The following TMEM117 variants were observed in gnomAD, a reference collection of about 807,000 sequenced individuals.
TMEM117 encodes transmembrane protein 117.
A neutral mutation model predicts 52.4 loss-of-function variants in TMEM117; 27 were observed. The ratio of observed to expected loss-of-function variants is 0.51; its 90% CI spans 0.38 to 0.71. The LOEUF (loss-of-function observed/expected upper bound fraction) is 0.71. Among genes scored for constraint, TMEM117 ranks in the 30% least tolerant of loss-of-function variants. The probability of loss-of-function intolerance (pLI) is 0.00; values close to 1 mark genes in which losing one functional copy is unlikely to be tolerated. For missense variants in TMEM117, 556 were observed against 630.5 expected (o/e 0.88, Z 1.26); for synonymous variants, 215 against 206.3 (o/e 1.04, Z -0.36).
At chr12:43,854,164 T>C (rs932312130) in intron 2 of TMEM117, among the ~76,000 whole-genome samples, 1 of 152,170 alleles carries the variant, frequency 6.6e-6, no homozygotes, top group Admixed American at 6.5e-5. Flanking sequence ...TGTGAGATGA[T>C]GACAAGATTA....
chr12:44,077,487 G>GCTTGAACTA (rs1947400631), intron 3 of TMEM117, among the ~76,000 whole-genome samples: 1 of 152,036 alleles, frequency 6.6e-6, no homozygotes, highest in African/African-American at 2.4e-5. Context: ...ATAAACAATG[G>GCTTGAACTA]CTTGAACTAC....
intron 2 of TMEM117, among the ~76,000 whole-genome samples, chr12:43,876,914 A>G (rs143631958): frequency 2.0e-4 from 30 of 152,298 alleles, no homozygotes; most frequent in African/African-American, 7.2e-4. Flanking sequence ...TGACAGTGAC[A>G]TGTAATTAAT....
intron 2 of TMEM117, among the ~76,000 whole-genome samples, chr12:43,930,567 G>A (rs1944855301): frequency 6.6e-6 from 1 of 152,084 alleles, no homozygotes; most frequent in Admixed American, 6.6e-5. Flanking sequence ...AGTGATCTTG[G>A]CCTTTCAAGT....
At chr12:43,898,752 A>T (rs1469613671) in intron 2 of TMEM117, among the ~76,000 whole-genome samples, 1 of 152,228 alleles carries the variant, frequency 6.6e-6, no homozygotes, top group African/African-American at 2.4e-5. Flanking sequence ...TGCTTCTCTT[A>T]CATGATACTT....
chr12:44,216,005 C>CTTTT (rs778425747), intron 5 of TMEM117, among the ~76,000 whole-genome samples: 1,582 of 110,562 alleles, frequency 0.014, 25 homozygotes, highest in African/African-American at 0.02. Flanking sequence ...TTCTTTCTTT[C>CTTTT]TTTTTTTTTT....
chr12:44,150,071 A>G (rs1330800487), intron 4 of TMEM117, among the ~76,000 whole-genome samples: 1 of 152,114 alleles, frequency 6.6e-6, no homozygotes, highest in Admixed American at 6.6e-5. Flanking sequence ...GTTCATTGGA[A>G]CCATTTTGAC....
At chr12:44,367,360 C>G (rs894589372) in intron 6 of TMEM117, among the ~76,000 whole-genome samples, 1 of 152,108 alleles carries the variant, frequency 6.6e-6, no homozygotes, top group Admixed American at 6.6e-5. Flanking sequence ...AATATTCAGT[C>G]TTTTTATTAC....
intron 2 of TMEM117, among the ~76,000 whole-genome samples, chr12:43,933,357 C>T (rs5028042): frequency 3.4e-4 from 52 of 151,860 alleles, no homozygotes; most frequent in Admixed American, 1.1e-3. Flanking sequence ...CCAGCCACCT[C>T]GCCCGGCTAA....
At chr12:43,976,277 T>C (rs1477109138) in intron 3 of TMEM117, among the ~76,000 whole-genome samples, 4 of 152,182 alleles carry the variant, frequency 2.6e-5, no homozygotes, top group Admixed American at 2.6e-4. Context: ...TATCAGACCA[T>C]GTTGCCCAGT....
chr12:44,143,927 A>G (rs1406768153), intron 4 of TMEM117, among the ~76,000 whole-genome samples: 1 of 152,192 alleles, frequency 6.6e-6, no homozygotes, highest in Admixed American at 6.5e-5. Flanking sequence ...TACAGTCATA[A>G]CATTAATAGA....
At chr12:44,101,604 A>G (rs12099550) in intron 3 of TMEM117, among the ~76,000 whole-genome samples, 1,741 of 152,094 alleles carry the variant, frequency 0.011, 22 homozygotes, top group South Asian at 0.052. Context: ...GCAGCTGTCC[A>G]TTAAAACAAG....
Position 44,058,190 on chromosome 12 carries a change from G to A in TMEM117, c.411-85335G>A, listed in dbSNP as rs1717335915. On this transcript the variant is annotated intron_variant, in intron 3 of 7. Coordinates refer to ENST00000266534, the MANE Select transcript of TMEM117 (RefSeq NM_032256.3). ...CATCATACATGTTATTGACATCAGA[G>A]AGTGGGCAATTTAACCTTCTCAAAA... Among the ~76,000 whole-genome samples, 3 of 151,936 alleles carry A rather than the reference G, an allele frequency of 2.0e-5. No homozygotes were observed. In the South Asian group the frequency reaches 6.2e-4, roughly 32 times the overall value.
chr12:44,007,651 C>A (rs1366188321), intron 3 of TMEM117, among the ~76,000 whole-genome samples: 1 of 152,118 alleles, frequency 6.6e-6, no homozygotes, highest in Non-Finnish European at 1.5e-5. Flanking sequence ...ACCCAAATCT[C>A]ATCTTGAATT....
At chr12:44,117,555 T>C (rs1948165895) in intron 3 of TMEM117, among the ~76,000 whole-genome samples, 1 of 152,136 alleles carries the variant, frequency 6.6e-6, no homozygotes, top group Non-Finnish European at 1.5e-5. Context: ...GTCACTGCAT[T>C]GGCTCATGGT....
At chr12:44,359,539 T>C (rs1273185259) in intron 6 of TMEM117, among the ~76,000 whole-genome samples, 3 of 152,070 alleles carry the variant, frequency 2.0e-5, no homozygotes, top group Admixed American at 6.6e-5. Flanking sequence ...TAATTTTCCA[T>C]GGAATTATAA....
the TMEM117 span, among the ~76,000 whole-genome samples, chr12:43,810,369 C>G: frequency 6.6e-6 from 1 of 152,094 alleles, no homozygotes; most frequent in African/African-American, 2.4e-5. Context: ...AATTAACACC[C>G]AAAAACCTTC....
chr12:44,100,286 A>G, intron 3 of TMEM117, among the ~76,000 whole-genome samples: 1 of 152,006 alleles, frequency 6.6e-6, no homozygotes, highest in East Asian at 1.9e-4. Flanking sequence ...AAGTGACATT[A>G]TATATATAAA....
At chr12:44,035,178 G>A (rs1472480053) in intron 3 of TMEM117, among the ~76,000 whole-genome samples, 1 of 152,152 alleles carries the variant, frequency 6.6e-6, no homozygotes, top group African/African-American at 2.4e-5. Flanking sequence ...AAATCTCCGT[G>A]TGTGTATCTT....
At chr12:44,325,199 T>A (rs929966775) in intron 6 of TMEM117, among the ~76,000 whole-genome samples, 2 of 152,220 alleles carry the variant, frequency 1.3e-5, no homozygotes, top group Non-Finnish European at 2.9e-5. Context: ...TTTAGCAAGG[T>A]AATATAGAAC....
Sources: allele counts gnomAD v4.1 joint callset (sites outside exome capture counted in the v4.1 genomes callset), GRCh38; gene constraint gnomAD v4.1.1; transcripts MANE v1.5; gene names NCBI Gene and HGNC (gene_info 2026-07-23, HGNC 2026-07-21).